Variants in NAP1L4 observed in about 807,000 individuals in gnomAD.
The protein encoded by NAP1L4 is nucleosome assembly protein 1 like 4, also known as nucleosome assembly protein 1-like 4.
In NAP1L4, 15 loss-of-function variants were observed where a neutral mutation model predicts 58.2. The observed-to-expected ratio is 0.26, with a 90% CI of 0.17 to 0.40. The LOEUF is 0.40. NAP1L4 is among the 10% of genes least tolerant of loss of function. NAP1L4 has a pLI of 1.00. For synonymous variants in NAP1L4, 171 were observed against 155.6 expected (o/e 1.10, Z -0.74); for missense variants, 384 against 451.1 (o/e 0.85, Z 1.35).
Position 2,959,778 on chromosome 11 carries a change from G to A in NAP1L4, c.738C>T (p.Asp246=). ...PFSFEGPEIV[D]CDGCTIDWKK... is the part of the protein sequence containing the mutation. ...GAATGACATTTTCTTACCCGTCACA[G>A]TCCACAATCTCAGGACCTTCAAAGG... The change falls in exon 9 of 16, where the codon GAC becomes GAT. Residue 246 remains aspartate, a synonymous_variant. Coordinates refer to ENST00000380542, the MANE Select transcript of NAP1L4 (RefSeq NM_005969.4). The surrounding 1 kb of genome is among the most constrained non-coding windows in gnomAD (Gnocchi z 4.9). The A allele has an allele frequency of 6.2e-7, 1 of 1,613,528 alleles. No individual in the cohort carries two copies.
At chr11:2,984,562 A>T (rs1370835500) in intron 1 of NAP1L4, among the ~76,000 whole-genome samples, 1 of 152,122 alleles carries the variant, frequency 6.6e-6, no homozygotes, top group Admixed American at 6.5e-5. Context: ...CAAGAGCGAA[A>T]CTCTGTCTCA....
intron 4 of NAP1L4, among the ~76,000 whole-genome samples, chr11:2,975,609 G>T (rs889457533): frequency 6.6e-6 from 1 of 151,914 alleles, no homozygotes; most frequent in Non-Finnish European, 1.5e-5. Flanking sequence ...AGGCTGGAGG[G>T]TAGTGAAAAC....
At chr11:2,950,782 A>G (rs1483030270) in intron 14 of NAP1L4, among the ~76,000 whole-genome samples, 1 of 152,162 alleles carries the variant, frequency 6.6e-6, no homozygotes, top group Non-Finnish European at 1.5e-5. Context: ...AAATTATCTG[A>G]GACATATGAG....
chr11:2,973,846 GTAGCCTCAACTTTC>G (rs1847791811), intron 4 of NAP1L4, among the ~76,000 whole-genome samples: 1 of 152,134 alleles, frequency 6.6e-6, no homozygotes, highest in African/African-American at 2.4e-5. Context: ...TCGGCTCACT[GTAGCCTCAACTTTC>G]TGGGCTCAAA....
In NAP1L4 at chr11:2,965,921, G is replaced by A. The variant is rs562194889; in HGVS notation, c.535-1170C>T. Among the ~76,000 whole-genome samples the A allele has an allele frequency of 3.3e-5, 5 of 152,290 alleles. No homozygotes were observed. In the South Asian group the frequency reaches 6.2e-4, roughly 19 times the overall value. On this transcript the variant is annotated intron_variant, in intron 7 of 15. Coordinates refer to ENST00000380542, the MANE Select transcript of NAP1L4 (RefSeq NM_005969.4). ...GGAAGAGTGGGCATCATGGAAGAGC[G>A]TACAATTCTTATCTGTGTCTGTATC...
In NAP1L4 at chr11:2,970,857, C is replaced by A. The variant is rs148552544; in HGVS notation, c.402+591G>T. Among the ~76,000 whole-genome samples, 176 of 111,662 alleles carry A rather than the reference C, an allele frequency of 1.6e-3. 1 individual carries two copies. The East Asian group carries it at 0.021, about 13-fold the overall frequency. 73.3% of individuals were successfully genotyped at this position (111,662 alleles called of 152,430 possible). On this transcript the variant is annotated intron_variant, in intron 6 of 15. Transcript: ENST00000380542. ...AAAATCATCATATACCACCCCCCCC[C>A]CAAAAAAAAAACTGCAAAAAGTTAG... is the stretch of plus-strand genomic sequence containing the variant.
chr11:2,953,734 G>T (rs1564973899), intron 12 of NAP1L4, among the ~76,000 whole-genome samples: 1 of 152,238 alleles, frequency 6.6e-6, no homozygotes, highest in East Asian at 1.9e-4. Context: ...GGAGATGTTG[G>T]CCTTTACTGC....
chr11:2,987,924 T>C (rs1461701824), intron 1 of NAP1L4, among the ~76,000 whole-genome samples: 2 of 152,152 alleles, frequency 1.3e-5, no homozygotes, highest in African/African-American at 4.8e-5. Flanking sequence ...AACTCACTGC[T>C]ACCAAATGAC....
chr11:2,990,236 AT>A (rs1848879176), intron 1 of NAP1L4: 1 of 152,244 alleles, frequency 6.6e-6, no homozygotes, highest in Non-Finnish European at 1.5e-5. Flanking sequence ...AATAACAGCT[AT>A]TTAAGACGGC....
intron 2 of NAP1L4, 81 bp downstream of exon 2, chr11:2,979,126 A>G: frequency 7.2e-7 from 1 of 1,392,306 alleles, no homozygotes; most frequent in Non-Finnish European, 1.0e-6. Flanking sequence ...CTTTGATTCT[A>G]ATTATTTATT....
Position 2,954,249 on chromosome 11 carries a change from G to A in NAP1L4, c.1035+278C>T, listed in dbSNP as rs969581315. 2.6e-5 allele frequency: 13 copies of A among 503,678 alleles called. No homozygotes were observed. Among genetic ancestry groups the A allele is most frequent in the Non-Finnish European group, 4.3e-5 (12 of 278,988 alleles). The allele number at this position is 503,678 out of a possible 1,614,324, so 31.2% of individuals were successfully genotyped here. On this transcript the variant is annotated intron_variant, in intron 12 of 15. Coordinates refer to ENST00000380542, the MANE Select transcript of NAP1L4 (RefSeq NM_005969.4). The surrounding 1 kb of genome is among the most constrained non-coding windows in gnomAD (Gnocchi z 4.8). ...AAGTTCCCTGAAGCTTAGGTTTTGAGAGAATATTGTTGAGTCACTAGGCAG... is the reference window on the plus strand; with the variant it reads ...AAGTTCCCTGAAGCTTAGGTTTTGAAAGAATATTGTTGAGTCACTAGGCAG...
chr11:2,990,900 A>G (rs1848923455), intron 1 of NAP1L4: 1 of 337,684 alleles, frequency 3.0e-6, no homozygotes, highest in Admixed American at 3.8e-5. Context: ...GTAACTTAGA[A>G]AGACTTACCT....
chr11:2,976,620 T>C (rs570214823), intron 3 of NAP1L4, among the ~76,000 whole-genome samples: 1 of 152,336 alleles, frequency 6.6e-6, no homozygotes, highest in Admixed American at 6.5e-5. Context: ...CCCTAAGTTT[T>C]CTTTGCATGT....
Position 2,944,773 on chromosome 11 carries a change from G to A in NAP1L4, c.*906C>T, listed in dbSNP as rs1334742768. ...TCCCTCAGTGGAGAAGACTGCCGAA[G>A]CCCGGCTCCGGCAGCAGGGTGGCGC... On this transcript the variant is annotated 3_prime_UTR_variant, in exon 16 of 16. Transcript: ENST00000380542. 2.0e-5 allele frequency: 3 copies of A among 152,254 alleles called. No homozygotes were observed. The highest frequency in any genetic ancestry group is 7.2e-5 in the African/African-American group (3 of 41,470). 9.4% of individuals were successfully genotyped at this position (152,254 alleles called of 1,614,324 possible).
At chr11:2,975,999 G>T in intron 4 of NAP1L4, 25 bp downstream of exon 4, 2 of 1,570,462 alleles carry the variant, frequency 1.3e-6, no homozygotes, top group Non-Finnish European at 1.7e-6. Context: ...CAAATTGCAT[G>T]AGACCCTATT....
chr11:2,961,317 G>C (rs1374604970), intron 8 of NAP1L4, among the ~76,000 whole-genome samples: 2 of 152,104 alleles, frequency 1.3e-5, no homozygotes, highest in African/African-American at 4.8e-5. Flanking sequence ...ATGACAGCAG[G>C]ATCTGGCTAG....
At position 2,964,551 on chromosome 11, in the gene NAP1L4, C is replaced by A. The variant is rs1023006102; in HGVS notation, c.606+129G>T. ...GTCTAACTCTTGGAGAGCAGTCTCG[C>A]CCAGGGCTGCCCAGCAGATGAGTGG... On this transcript the variant is annotated intron_variant, in intron 8 of 15. Coordinates refer to ENST00000380542, the MANE Select transcript of NAP1L4 (RefSeq NM_005969.4). 6 of 705,058 alleles carry A rather than the reference C, an allele frequency of 8.5e-6. No homozygotes were observed. The African/African-American group carries it at 1.1e-4, about 13-fold the overall frequency. 43.7% of individuals were successfully genotyped at this position (705,058 alleles called of 1,614,324 possible). A position where few individuals can be genotyped will look rare whatever the true frequency, so the allele number is the denominator to read the frequency against.
chr11:2,983,323 T>C (rs1437676946), intron 1 of NAP1L4, among the ~76,000 whole-genome samples: 1 of 152,170 alleles, frequency 6.6e-6, no homozygotes, highest in Non-Finnish European at 1.5e-5. Flanking sequence ...ATTGATAAAA[T>C]GATTCACTCA....
intron 14 of NAP1L4, among the ~76,000 whole-genome samples, chr11:2,950,187 G>A (rs1198521834): frequency 6.6e-6 from 1 of 152,220 alleles, no homozygotes; most frequent in African/African-American, 2.4e-5. Flanking sequence ...ACGGTGCTGC[G>A]CACAGGTACG....
Sources: allele counts gnomAD v4.1 joint callset (sites outside exome capture counted in the v4.1 genomes callset), GRCh38; gene constraint gnomAD v4.1.1; non-coding constraint Gnocchi (gnomAD v3.1); transcripts MANE v1.5; gene names NCBI Gene and HGNC (gene_info 2026-07-23, HGNC 2026-07-21).